Variants in VAV3 observed in about 807,000 individuals in gnomAD.
The protein encoded by VAV3 is vav guanine nucleotide exchange factor 3.
In VAV3, 94 loss-of-function variants were observed where a neutral mutation model predicts 131.2. The observed-to-expected ratio is 0.72, with a 90% CI of 0.61 to 0.85. VAV3 has a LOEUF of 0.85. Among genes scored for constraint, VAV3 ranks in the 40% least tolerant of loss-of-function variants. The pLI, the probability that VAV3 is intolerant of heterozygous loss-of-function variation, is 0.00. For missense variants in VAV3, 939 were observed against 1,002.7 expected, an observed-to-expected ratio of 0.94 and a Z score of 0.86; for synonymous variants, 349 against 342.0, an observed-to-expected ratio of 1.02 and a Z score of -0.22.
chr1:107,920,881 C>T (rs1485508000), intron 1 of VAV3, among the ~76,000 whole-genome samples: 1 of 152,126 alleles, frequency 6.6e-6, no homozygotes, highest in African/African-American at 2.4e-5. Flanking sequence ...TGAGAACAGA[C>T]AAAAGCCTTA....
chr1:107,715,955 C>T (rs138088788), intron 15 of VAV3, among the ~76,000 whole-genome samples: 164 of 152,046 alleles, frequency 1.1e-3, no homozygotes, highest in African/African-American at 3.9e-3. Context: ...TAGAAGCATA[C>T]GGAGATGGAG....
Position 107,964,780 on chromosome 1 carries a change from C to T in VAV3, c.90G>A (p.Val30=). The change falls in exon 1 of 27, where the codon GTG becomes GTA. Residue 30 remains valine (V), a synonymous_variant. Coordinates refer to ENST00000370056, the MANE Select transcript of VAV3 (RefSeq NM_006113.5). Reference sequence around the variant, plus strand: ...CGCGGAGGGTCTGCGCAAGGTCGAACACCTGAGCCGAGTCCCAGGTCACCC... The same window carrying T: ...CGCGGAGGGTCTGCGCAAGGTCGAATACCTGAGCCGAGTCCCAGGTCACCC... ...NHRVTWDSAQ[V]FDLAQTLRDG... 2 of 1,614,094 alleles carry T rather than the reference C, an allele frequency of 1.2e-6. No individual in the cohort carries two copies. Among genetic ancestry groups the T allele is most frequent in the Non-Finnish European group, 8.5e-7 (1 of 1,180,012 alleles).
At chr1:107,627,110 C>T (rs952509533) in intron 20 of VAV3, among the ~76,000 whole-genome samples, 2 of 152,112 alleles carry the variant, frequency 1.3e-5, no homozygotes, top group East Asian at 1.9e-4. Context: ...GCTGCACCTC[C>T]CTTCTCCAGG....
chr1:107,787,052 G>C (rs924855655), intron 2 of VAV3, among the ~76,000 whole-genome samples: 2 of 151,908 alleles, frequency 1.3e-5, no homozygotes, highest in Admixed American at 6.6e-5. Context: ...GAAATCCAGG[G>C]ACCTCTGAAG....
At chr1:107,739,335 T>C (rs1662872379) in intron 15 of VAV3, among the ~76,000 whole-genome samples, 1 of 152,222 alleles carries the variant, frequency 6.6e-6, no homozygotes, top group South Asian at 2.1e-4. Context: ...CTCCATTTCA[T>C]GACAGCTGTG....
chr1:107,696,830 C>T (rs932042812), intron 17 of VAV3, among the ~76,000 whole-genome samples: 5 of 152,146 alleles, frequency 3.3e-5, no homozygotes, highest in Non-Finnish European at 5.9e-5. Context: ...AAGTCTCCAT[C>T]CCCTGGATAT....
chr1:107,777,379 C>T, intron 3 of VAV3, 83 bp from the exon 4 acceptor site: 1 of 1,252,578 alleles, frequency 8.0e-7, no homozygotes. Context: ...TTAACCCTCA[C>T]TAAATATGTA....
chr1:107,870,248 C>T (rs1670191675), intron 2 of VAV3, among the ~76,000 whole-genome samples: 2 of 152,132 alleles, frequency 1.3e-5, no homozygotes, highest in Admixed American at 6.6e-5. Context: ...TTTACATTCC[C>T]ACCAGCAGCG....
intron 17 of VAV3, among the ~76,000 whole-genome samples, chr1:107,692,523 A>G (rs1312851574): frequency 6.6e-6 from 1 of 152,166 alleles, no homozygotes; most frequent in Non-Finnish European, 1.5e-5. Flanking sequence ...AGCTCACGTA[A>G]AAGTACTGTG....
At chr1:107,645,645 C>T (rs141495935) in intron 19 of VAV3, among the ~76,000 whole-genome samples, 3 of 152,046 alleles carry the variant, frequency 2.0e-5, no homozygotes, top group Non-Finnish European at 4.4e-5. Context: ...CAAAAAATTG[C>T]GATTAAGAGG....
intron 2 of VAV3, among the ~76,000 whole-genome samples, chr1:107,789,726 G>T (rs1403834739): frequency 6.6e-6 from 1 of 152,092 alleles, no homozygotes; most frequent in Non-Finnish European, 1.5e-5. Context: ...AGCCATGTTA[G>T]AAAAATATAC....
chr1:107,790,834 C>G (rs1441930694), intron 2 of VAV3, among the ~76,000 whole-genome samples: 1 of 151,680 alleles, frequency 6.6e-6, no homozygotes, highest in Non-Finnish European at 1.5e-5. Context: ...ATTACAGGCA[C>G]CTGCCACCAC....
At chr1:107,757,430 T>G in intron 10 of VAV3, 101 bp from the exon 11 acceptor site, 1 of 1,011,342 alleles carries the variant, frequency 9.9e-7, no homozygotes, top group East Asian at 2.7e-5. Flanking sequence ...TGGTTTTCTC[T>G]CTATAATGTG....
At chr1:107,593,673 C>G (rs1489102833) in intron 25 of VAV3, among the ~76,000 whole-genome samples, 1 of 152,070 alleles carries the variant, frequency 6.6e-6, no homozygotes. Context: ...CTCCTTACCA[C>G]TTCCTGGGAT....
At chr1:107,793,267 AGT>A (rs964701039) in intron 2 of VAV3, among the ~76,000 whole-genome samples, 2 of 152,214 alleles carry the variant, frequency 1.3e-5, no homozygotes. Context: ...TCTGCCCCAG[AGT>A]GTGTAACTAA....
At chr1:107,630,271 A>G (rs1241422891) in intron 20 of VAV3, among the ~76,000 whole-genome samples, 2 of 152,142 alleles carry the variant, frequency 1.3e-5, no homozygotes, top group African/African-American at 2.4e-5. Flanking sequence ...CATGAAACAC[A>G]GTCAGTTACA....
intron 1 of VAV3, among the ~76,000 whole-genome samples, chr1:107,914,070 T>C (rs1672499454): frequency 6.6e-6 from 1 of 152,212 alleles, no homozygotes; most frequent in African/African-American, 2.4e-5. Flanking sequence ...GCACAAATTA[T>C]TTTTAAGACT....
At chr1:107,886,347 T>C (rs1256189968) in intron 1 of VAV3, among the ~76,000 whole-genome samples, 1 of 152,162 alleles carries the variant, frequency 6.6e-6, no homozygotes, top group Non-Finnish European at 1.5e-5. Flanking sequence ...CTAACAAGTA[T>C]AGAGTCAAAT....
Position 107,713,072 on chromosome 1 carries a change from G to T in VAV3, c.1503-8011C>A, listed in dbSNP as rs567200644. ...TATAACAATATAAAGTTTAGATAAAGACTTATACTATCTATTTGAAAAATA... is the reference window on the plus strand; with the variant it reads ...TATAACAATATAAAGTTTAGATAAATACTTATACTATCTATTTGAAAAATA... On this transcript the variant is annotated intron_variant, in intron 15 of 26. Transcript: ENST00000370056. Among the ~76,000 whole-genome samples, 14 of 152,198 alleles carry T rather than the reference G, an allele frequency of 9.2e-5. No homozygotes were observed. In the South Asian group the frequency reaches 2.7e-3, roughly 29 times the overall value.
Sources: gnomAD v4.1 joint callset for allele counts (sites outside exome capture counted in the v4.1 genomes callset) on GRCh38, gnomAD v4.1.1 for gene constraint, MANE v1.5 for transcripts, NCBI Gene and HGNC (gene_info 2026-07-23, HGNC 2026-07-21) for gene names.